The following DNAH17 variants were observed in gnomAD, a reference collection of about 807,000 sequenced individuals.
The protein encoded by DNAH17 is dynein axonemal heavy chain 17, also known as axonemal beta dynein heavy chain 17.
DNAH17 carries 376 observed loss-of-function variants against 485.6 expected under a neutral mutation model. That is an observed-to-expected ratio of 0.77 (90% CI 0.71 to 0.84). The LOEUF is 0.84. Among genes scored for constraint, DNAH17 ranks in the 40% least tolerant of loss-of-function variants. DNAH17 has a pLI of 0.00. For missense variants in DNAH17, 6,370 were observed against 5,839.3 expected (o/e 1.09, Z -2.96); for synonymous variants, 3,031 against 2,405.9 (o/e 1.26, Z -7.60).
chr17:78,428,121 G>C (rs1434923918), intron 77 of DNAH17, among the ~76,000 whole-genome samples: 1 of 152,184 alleles, frequency 6.6e-6, no homozygotes, highest in Non-Finnish European at 1.5e-5. Flanking sequence ...GAGCGGCTCT[G>C]GAGTACCTGC....
At position 78,492,500 on chromosome 17, in the gene DNAH17, T is replaced by C. The variant is rs1205915750; in HGVS notation, c.6541+133A>G. On this transcript the variant is annotated intron_variant, in intron 42 of 80. Transcript: ENST00000389840. ...AAACTTTGTTACCATGGTGCCACCA[T>C]TGCAGGCCACGTGCCTGTGTGCCCC... 2.0e-5 allele frequency: 26 copies of C among 1,276,908 alleles called. No homozygotes were observed. The South Asian group carries it at 3.2e-4, about 16-fold the overall frequency. 79.1% of individuals were successfully genotyped at this position (1,276,908 alleles called of 1,614,324 possible).
At chr17:78,497,575 T>C (rs2090119736) in intron 37 of DNAH17, among the ~76,000 whole-genome samples, 1 of 152,240 alleles carries the variant, frequency 6.6e-6, no homozygotes, top group Non-Finnish European at 1.5e-5. Context: ...GCTCTGCTCC[T>C]GTGCTGGGGG....
rs747381278 is a variant in DNAH17 at position 78,570,307 on chromosome 17, A to G, written c.984T>C (p.Tyr328=). 8 of 1,604,096 alleles carry G rather than the reference A, an allele frequency of 5.0e-6. No individual in the cohort carries two copies. The Admixed American group carries it at 1.4e-4, about 27-fold the overall frequency. ...ICFIWATSEY[Y]NTPARIIVIL... ...TGACGATGATCCTGGCAGGTGTGTT[A>G]TAGTACTCAGAGGTGGCCCAGATGA... The change falls in exon 7 of 81, where the codon TAT becomes TAC. Residue 328 remains tyrosine, a synonymous_variant. Coordinates refer to ENST00000389840, the MANE Select transcript of DNAH17 (RefSeq NM_173628.4).
At chr17:78,524,763 A>T (rs1190524631) in intron 25 of DNAH17, among the ~76,000 whole-genome samples, 2 of 152,278 alleles carry the variant, frequency 1.3e-5, no homozygotes, top group Middle Eastern at 3.4e-3. Context: ...AAGGGAGGGG[A>T]AAAAAGAAAG....
chr17:78,496,223 TAC>T (rs1308441721), intron 37 of DNAH17, among the ~76,000 whole-genome samples, 191 bp from the exon 38 acceptor site: 1 of 151,986 alleles, frequency 6.6e-6, no homozygotes, highest in Non-Finnish European at 1.5e-5. Context: ...TAGGAAATAA[TAC>T]AGAGGGCCAG....
rs377466020 is a variant in DNAH17 at position 78,526,977 on chromosome 17, G to A, written c.3527C>T (p.Ala1176Val). 6.3e-7 allele frequency: 1 copy of A among 1,583,962 alleles called. No homozygotes were observed. Among genetic ancestry groups the A allele is most frequent in the Non-Finnish European group, 8.6e-7 (1 of 1,164,980 alleles). Residue 1176 changes from alanine to valine, a missense_variant, in exon 23 of 81, where the codon GCA becomes GTA. Coordinates refer to ENST00000389840, the MANE Select transcript of DNAH17 (RefSeq NM_173628.4). ...CTGAATGGCCAGTTTCTTGGTATTT[G>A]CCCAGTGCTCCGGCAGCTCCTGCGG... Reference protein sequence around the residue: ...LKLQELPEHWANTKKLAIQVK... With the variant: ...LKLQELPEHWVNTKKLAIQVK...
At chr17:78,571,255 C>G in intron 5 of DNAH17, 24 bp downstream of exon 5, 1 of 1,598,082 alleles carries the variant, frequency 6.3e-7, no homozygotes, top group South Asian at 1.1e-5. Flanking sequence ...TCGTGCAGAA[C>G]TCATGACAGG....
Position 78,476,742 on chromosome 17 carries a change from A to G in DNAH17, c.7993-9T>C, listed in dbSNP as rs766164800. 145 of 1,610,316 alleles carry G rather than the reference A, an allele frequency of 9.0e-5. No homozygotes were observed. The highest frequency in any genetic ancestry group is 1.2e-4 in the Non-Finnish European group (143 of 1,178,336). ...GTGGAAAATAAGAGTCCCTGCCCCA[A>G]ACACAGGATGATCAGCACCGTCAGC... On this transcript the variant is annotated splice_polypyrimidine_tract_variant and intron_variant, in intron 51 of 80. Coordinates refer to ENST00000389840, the MANE Select transcript of DNAH17 (RefSeq NM_173628.4).
Position 78,490,732 on chromosome 17 carries a change from A to G in DNAH17, c.6785T>C (p.Leu2262Pro). 6.2e-7 allele frequency: 1 copy of G among 1,608,048 alleles called. No individual in the cohort carries two copies. Among genetic ancestry groups the G allele is most frequent in the Non-Finnish European group, 8.5e-7 (1 of 1,177,290 alleles). Residue 2262 changes from leucine (L) to proline (P), a missense_variant, in exon 44 of 81, where the codon CTC becomes CCC. By Grantham distance (98) the Leu-to-Pro change is moderately conservative. Coordinates refer to ENST00000389840, the MANE Select transcript of DNAH17 (RefSeq NM_173628.4). ...TPATVSRAGI[L>P]YINPADLGWN... Reference sequence around the variant, plus strand: ...TCCCAGGTCGGCTGGGTTGATGTAGAGGATGCCGGCTCTGGAAACGGTGGC... The same window carrying G: ...TCCCAGGTCGGCTGGGTTGATGTAGGGGATGCCGGCTCTGGAAACGGTGGC...
chr17:78,460,532 CATTTGCTGT>C (rs1314874988), intron 58 of DNAH17, among the ~76,000 whole-genome samples: 5 of 152,238 alleles, frequency 3.3e-5, no homozygotes, highest in African/African-American at 9.6e-5. Flanking sequence ...GGCCACCACT[CATTTGCTGT>C]ATTTGCTGAA....
chr17:78,439,019 C>A (rs368815449), intron 73 of DNAH17, 71 bp downstream of exon 73: 2 of 1,548,614 alleles, frequency 1.3e-6, no homozygotes, highest in African/African-American at 2.8e-5. Context: ...TCCTTCCGGG[C>A]CTTCTGGCCC....
At chr17:78,438,359 T>A (rs1483498283) in intron 73 of DNAH17, among the ~76,000 whole-genome samples, 1 of 122,746 alleles carries the variant, frequency 8.1e-6, no homozygotes, top group East Asian at 2.7e-4. Context: ...GTGCTAGCGT[T>A]GAACCAAATG....
intron 48 of DNAH17, among the ~76,000 whole-genome samples, chr17:78,481,911 A>G (rs1195519321): frequency 6.6e-6 from 1 of 152,026 alleles, no homozygotes; most frequent in Non-Finnish European, 1.5e-5. Flanking sequence ...GCTACTTGGG[A>G]GGCTGAGGCA....
At chr17:78,452,979 C>CTCT (rs56025002) in intron 65 of DNAH17, among the ~76,000 whole-genome samples, 140,000 of 151,940 alleles carry the variant, frequency 0.92, 64,583 homozygotes, top group East Asian at 0.99. Flanking sequence ...GTACCAAATG[C>CTCT]TCAATTGTGT....
intron 18 of DNAH17, 91 bp from the exon 19 acceptor site, chr17:78,537,572 T>G: frequency 7.2e-7 from 1 of 1,384,824 alleles, no homozygotes. Context: ...GTACCATCAA[T>G]GTGTCACTGC....
rs1350032154 is a variant in DNAH17 at position 78,437,580 on chromosome 17, AG to A, written c.12033+60del. The stretch of plus-strand genomic sequence containing the variant: ...GTCCTCAGTGGTCCTCGGGGCCCCA[AG>A]GGATGGATGCCAGGCCGTGGCATGG... On this transcript the variant is annotated intron_variant, in intron 74 of 80. Transcript: ENST00000389840. 1.3e-5 allele frequency: 19 copies of A among 1,431,200 alleles called. No homozygotes were observed. In the African/African-American group the frequency reaches 2.5e-4, roughly 19 times the overall value. 88.7% of individuals were successfully genotyped at this position (1,431,200 alleles called of 1,614,324 possible). A position where few individuals can be genotyped will look rare whatever the true frequency, so the allele number is the denominator to read the frequency against.
In DNAH17 at chr17:78,479,775, G is replaced by T. The variant is rs549358559; in HGVS notation, c.7753-143C>A. 4.6e-4 allele frequency: 514 copies of T among 1,128,058 alleles called. 8 individuals carry two copies. In the South Asian group the frequency reaches 7.0e-3, roughly 15 times the overall value. The allele number at this position is 1,128,058 out of a possible 1,614,324, so 69.9% of individuals were successfully genotyped here. A position where few individuals can be genotyped will look rare whatever the true frequency, so the allele number is the denominator to read the frequency against. ...GTCAGAATGGGCAGTTACCCTCCTTGTGCCTTGCATGTGGTAAAACTGCAT... is the reference window on the plus strand; with the variant it reads ...GTCAGAATGGGCAGTTACCCTCCTTTTGCCTTGCATGTGGTAAAACTGCAT... On this transcript the variant is annotated intron_variant, in intron 49 of 80. Transcript: ENST00000389840.
intron 2 of DNAH17, among the ~76,000 whole-genome samples, chr17:78,573,940 C>A (rs897867805): frequency 7.2e-5 from 11 of 152,154 alleles, no homozygotes; most frequent in Middle Eastern, 3.4e-3. Flanking sequence ...GTGTCCCCCC[C>A]ACCTACACAG....
intron 80 of DNAH17, chr17:78,424,532 A>T (rs2086325540): frequency 5.0e-6 from 1 of 201,882 alleles, no homozygotes; most frequent in African/African-American, 2.3e-5. Context: ...GTACATACAC[A>T]ATATAATTAT....
Sources: allele counts gnomAD v4.1 joint callset (sites outside exome capture counted in the v4.1 genomes callset), GRCh38; gene constraint gnomAD v4.1.1; transcripts MANE v1.5; gene names NCBI Gene and HGNC (gene_info 2026-07-23, HGNC 2026-07-21).